PPP1CC: variants seen among roughly 807,000 people sequenced by gnomAD.
PPP1CC encodes protein phosphatase 1 catalytic subunit gamma.
A neutral mutation model predicts 38.4 loss-of-function variants in PPP1CC; 16 were observed. The observed-to-expected ratio is 0.42, with a 90% CI of 0.28 to 0.63. PPP1CC has a LOEUF of 0.63. PPP1CC is among the 30% of genes least tolerant of loss of function. The pLI, the probability that PPP1CC is intolerant of heterozygous loss-of-function variation, is 0.25. For missense variants in PPP1CC, 170 were observed against 391.3 expected, an observed-to-expected ratio of 0.43 and a Z score of 4.77; for synonymous variants, 158 against 136.0, an observed-to-expected ratio of 1.16 and a Z score of -1.13.
At chr12:110,729,030 A>T (rs186602776) in intron 3 of PPP1CC, among the ~76,000 whole-genome samples, 36 of 152,250 alleles carry the variant, frequency 2.4e-4, no homozygotes, top group Admixed American at 2.1e-3. Context: ...TATCCCTATA[A>T]TCATATTAGC....
chr12:110,719,373 C>T (rs902035666), downstream of PPP1CC, among the ~76,000 whole-genome samples: 1 of 152,172 alleles, frequency 6.6e-6, no homozygotes, highest in Non-Finnish European at 1.5e-5. Flanking sequence ...CCTCTGCCAA[C>T]GCCCTCAGGG....
chr12:110,742,664 C>A lies in PPP1CC; in HGVS notation c.44G>T (p.Arg15Leu). 6.8e-7 allele frequency: 1 copy of A among 1,476,842 alleles called. No homozygotes were observed. Among genetic ancestry groups the A allele is most frequent in the Non-Finnish European group, 9.0e-7 (1 of 1,106,982 alleles). The allele number at this position is 1,476,842 out of a possible 1,614,324, so 91.5% of individuals were successfully genotyped here. A position where few individuals can be genotyped will look rare whatever the true frequency, so the allele number is the denominator to read the frequency against. ...GCCGCCCCCCTTACCTTCCAGCAGC[C>A]GTTGGATAATGCTGTCGATGTTGAG... is the stretch of plus-strand genomic sequence containing the variant. ...DKLNIDSIIQ[R>L]LLEVRGSKPG... is the part of the protein sequence containing the mutation. Residue 15 changes from arginine (R) to leucine (L), a missense_variant, in exon 1 of 7, where the codon CGG becomes CTG. Physicochemically the swap from Arg to Leu is moderately radical, Grantham distance 102. This residue lies in a region of PPP1CC where 30 missense variants were observed against 23.0 expected (regional missense o/e 1.30). Transcript: ENST00000335007.
downstream of PPP1CC, among the ~76,000 whole-genome samples, chr12:110,716,434 C>T (rs1057301722): frequency 6.6e-5 from 10 of 151,746 alleles, no homozygotes; most frequent in Non-Finnish European, 1.2e-4. Context: ...CTCACTGCAA[C>T]CTCTGCTTCC....
chr12:110,720,267 A>C lies in PPP1CC; in HGVS notation c.*809T>G. The C allele has an allele frequency of 7.2e-7, 1 of 1,392,832 alleles. No individual in the cohort carries two copies. The highest frequency in any genetic ancestry group is 9.8e-7 in the Non-Finnish European group (1 of 1,020,116). The allele number at this position is 1,392,832 out of a possible 1,614,324, so 86.3% of individuals were successfully genotyped here. ...ATTGTATAAAATGTTATTACCTTTT[A>C]TCGTTAGTAGCTTAAACAGCACTAT... is the stretch of plus-strand genomic sequence containing the variant. On this transcript the variant is annotated 3_prime_UTR_variant, in exon 7 of 7. Coordinates refer to ENST00000335007, the MANE Select transcript of PPP1CC (RefSeq NM_002710.4).
chr12:110,734,785 G>C (rs1476233830), intron 1 of PPP1CC: 1 of 153,452 alleles, frequency 6.5e-6, no homozygotes, highest in Non-Finnish European at 1.5e-5. Flanking sequence ...ACGTTGAATT[G>C]TCTAACAGAG....
At position 110,742,826 on chromosome 12, in the gene PPP1CC, G is replaced by GCGGGTCCCCC; in HGVS notation, c.-129_-120dup. 1.3e-6 allele frequency: 1 copy of GCGGGTCCCCC among 787,764 alleles called. No individual in the cohort carries two copies. The highest frequency in any genetic ancestry group is 3.4e-5 in the East Asian group (1 of 29,598). The allele number at this position is 787,764 out of a possible 1,614,324, so 48.8% of individuals were successfully genotyped here. A position where few individuals can be genotyped will look rare whatever the true frequency, so the allele number is the denominator to read the frequency against. The stretch of plus-strand genomic sequence containing the variant: ...GGTGGCGGCGGTGGCAGCAGCCGCG[G>GCGGGTCCCCC]CGGGTCCCCCCCCTGCCACCCCGCT... On this transcript the variant is annotated 5_prime_UTR_variant, in exon 1 of 7. Transcript: ENST00000335007.
chr12:110,712,739 G>A, the PPP1CC span, among the ~76,000 whole-genome samples: 1 of 147,480 alleles, frequency 6.8e-6, no homozygotes, highest in Non-Finnish European at 1.5e-5. Flanking sequence ...TCTGCAAAAT[G>A]CTTTTCTGAT....
At chr12:110,718,077 G>C (rs2069701481), downstream of PPP1CC, among the ~76,000 whole-genome samples, 1 of 152,082 alleles carries the variant, frequency 6.6e-6, no homozygotes, top group Non-Finnish European at 1.5e-5. Context: ...CCTTCTTCAT[G>C]GCTCAGCATT....
the PPP1CC span, among the ~76,000 whole-genome samples, chr12:110,710,745 A>G: frequency 1.5e-5 from 2 of 137,474 alleles, no homozygotes; most frequent in East Asian, 2.2e-4. Context: ...AAAAAAAAAA[A>G]TGCTTGCTGG....
At chr12:110,708,912 G>A in the PPP1CC span, among the ~76,000 whole-genome samples, 1 of 150,684 alleles carries the variant, frequency 6.6e-6, no homozygotes, top group African/African-American at 2.4e-5. Flanking sequence ...AGGATTTAAA[G>A]TCTAGGTTGA....
rs769286563 is a variant in PPP1CC, at chr12:110,732,011, A to C, written c.56-110T>G. The C allele has an allele frequency of 1.9e-5, 22 of 1,171,210 alleles. No homozygotes were observed. In the South Asian group the frequency reaches 3.2e-4, roughly 17 times the overall value. 72.6% of individuals were successfully genotyped at this position (1,171,210 alleles called of 1,614,324 possible). ...TTTAACTAGCTTTCTGAGTGGCTTC[A>C]TTTTCAGGACACTTATAATAAACAT... On this transcript the variant is annotated intron_variant, in intron 1 of 6. Transcript: ENST00000335007.
At chr12:110,742,041 G>C (rs1028938405) in intron 1 of PPP1CC, among the ~76,000 whole-genome samples, 1 of 152,036 alleles carries the variant, frequency 6.6e-6, no homozygotes, top group East Asian at 1.9e-4. Flanking sequence ...ACCTCTCCAA[G>C]ATTAGAACAA....
chr12:110,730,816 C>T, intron 2 of PPP1CC, 57 bp from the exon 3 acceptor site: 1 of 1,179,530 alleles, frequency 8.5e-7, no homozygotes, highest in South Asian at 1.5e-5. Flanking sequence ...AATCCACTAA[C>T]AAAGCTTTGG....
At chr12:110,716,925 A>G (rs1186684238), downstream of PPP1CC, among the ~76,000 whole-genome samples, 1 of 152,192 alleles carries the variant, frequency 6.6e-6, no homozygotes, top group African/African-American at 2.4e-5. Context: ...ACTCAATTCT[A>G]TTTGAGTCGT....
chr12:110,728,374 G>GCCA, intron 3 of PPP1CC, among the ~76,000 whole-genome samples: 1 of 147,882 alleles, frequency 6.8e-6, no homozygotes, highest in Non-Finnish European at 1.5e-5. Flanking sequence ...CTCCAGCCTG[G>GCCA]GCGACAGAGC....
In PPP1CC at chr12:110,722,580, G is replaced by C. The variant is rs1191945547; in HGVS notation, c.639C>G (p.Val213=). The change falls in exon 5 of 7, where the codon GTC becomes GTG. Residue 213 remains valine (V), a synonymous_variant. Coordinates refer to ENST00000335007, the MANE Select transcript of PPP1CC (RefSeq NM_002710.4). The surrounding 1 kb of genome is among the most constrained non-coding windows in gnomAD (Gnocchi z 5.4). Reference sequence around the variant, plus strand: ...CTCTGTCATTTTCACCCCAGCCTAAGACATCTTTATCGGGGTCAGACCACA... The same window carrying C: ...CTCTGTCATTTTCACCCCAGCCTAACACATCTTTATCGGGGTCAGACCACA... ...DLLWSDPDKD[V]LGWGENDRGV... 1 of 1,614,122 alleles carries C rather than the reference G, an allele frequency of 6.2e-7. No homozygotes were observed. The highest frequency in any genetic ancestry group is 1.1e-5 in the South Asian group (1 of 91,086).
At chr12:110,737,399 G>A (rs951807267) in intron 1 of PPP1CC, among the ~76,000 whole-genome samples, 1 of 144,362 alleles carries the variant, frequency 6.9e-6, no homozygotes, top group South Asian at 2.1e-4. Context: ...AGGAGAAATC[G>A]CTTGAACCTG....
At chr12:110,724,005 G>A (rs534856076) in intron 4 of PPP1CC, among the ~76,000 whole-genome samples, 12 of 152,068 alleles carry the variant, frequency 7.9e-5, no homozygotes, top group Non-Finnish European at 1.3e-4. Flanking sequence ...TTGGGAGGCC[G>A]AGGCGGGCAG....
the PPP1CC span, among the ~76,000 whole-genome samples, chr12:110,712,691 T>A: frequency 7.7e-6 from 1 of 130,578 alleles, no homozygotes; most frequent in Non-Finnish European, 1.7e-5. Context: ...ATCCCCTTGA[T>A]GAAAAACCCT....
Sources: allele counts gnomAD v4.1 joint callset (sites outside exome capture counted in the v4.1 genomes callset), GRCh38; gene constraint gnomAD v4.1.1; regional missense constraint gnomAD v4.1.1; non-coding constraint Gnocchi (gnomAD v3.1); transcripts MANE v1.5; gene names NCBI Gene and HGNC (gene_info 2026-07-23, HGNC 2026-07-21).